THSD7A: variants seen among roughly 807,000 people sequenced by gnomAD.
THSD7A encodes the protein thrombospondin type 1 domain containing 7A, also known as thrombospondin type-1 domain-containing protein 7A.
A neutral mutation model predicts 231.3 loss-of-function variants in THSD7A; 96 were observed. That is an observed-to-expected ratio of 0.41 (90% CI 0.35 to 0.49). The LOEUF (loss-of-function observed/expected upper bound fraction) is 0.49, where lower values mean the gene tolerates loss of function less well. THSD7A is among the 20% of genes least tolerant of loss of function. THSD7A has a pLI of 0.05. For missense variants in THSD7A, 2,290 were observed against 2,070.2 expected, an observed-to-expected ratio of 1.11 and a Z score of -2.06; for synonymous variants, 940 against 743.3, an observed-to-expected ratio of 1.26 and a Z score of -4.30.
In THSD7A at chr7:11,636,617, G is replaced by T; in HGVS notation, c.535C>A (p.Pro179Thr). 1 of 1,613,974 alleles carries T rather than the reference G, an allele frequency of 6.2e-7. No individual in the cohort carries two copies. The highest frequency in any genetic ancestry group is 8.5e-7 in the Non-Finnish European group (1 of 1,179,896). Residue 179 changes from proline (P) to threonine (T), a missense_variant, in exon 2 of 28, where the codon CCC (proline) becomes ACC (threonine). By Grantham distance (38) the Pro-to-Thr change is conservative. Coordinates refer to ENST00000423059, the MANE Select transcript of THSD7A (RefSeq NM_015204.3). The surrounding 1 kb of genome is among the most constrained non-coding windows in gnomAD (Gnocchi z 10.0). ...CAAGCCTGCTCCAGGAGAGGCTTGGGCTCAAAGTACTCACAGATGATATCC... is the reference window on the plus strand; with the variant it reads ...CAAGCCTGCTCCAGGAGAGGCTTGGTCTCAAAGTACTCACAGATGATATCC... ...AEDIICEYFE[P>T]KPLLEQACLI...
At chr7:11,566,432 C>T (rs913178795) in intron 4 of THSD7A, among the ~76,000 whole-genome samples, 4 of 152,128 alleles carry the variant, frequency 2.6e-5, no homozygotes, top group Non-Finnish European at 4.4e-5. Context: ...ATTTTTAACA[C>T]GTACTTTATG....
intron 6 of THSD7A, among the ~76,000 whole-genome samples, chr7:11,510,433 C>A (rs1006735586): frequency 2.0e-5 from 3 of 152,180 alleles, no homozygotes; most frequent in Non-Finnish European, 2.9e-5. Context: ...ATGAGACCAG[C>A]ATCATCCTGA....
At chr7:11,546,724 A>T (rs42) in intron 4 of THSD7A, among the ~76,000 whole-genome samples, 117,215 of 152,062 alleles carry the variant, frequency 0.77, 45,912 homozygotes, top group African/African-American at 0.9. Context: ...CAGGCTGAAA[A>T]GGCTAAAATG....
At chr7:11,471,837 A>C (rs1785951859) in intron 8 of THSD7A, among the ~76,000 whole-genome samples, 1 of 152,120 alleles carries the variant, frequency 6.6e-6, no homozygotes, top group Non-Finnish European at 1.5e-5. Context: ...TAATTCAGTT[A>C]ATTCTTTTGG....
At chr7:11,688,304 G>A (rs1375457301) in intron 1 of THSD7A, among the ~76,000 whole-genome samples, 2 of 151,648 alleles carry the variant, frequency 1.3e-5, no homozygotes, top group African/African-American at 4.8e-5. Flanking sequence ...CAGTACTAAT[G>A]CCTGGGCGTC....
chr7:11,553,824 G>C (rs955121731), intron 4 of THSD7A, among the ~76,000 whole-genome samples: 1 of 151,810 alleles, frequency 6.6e-6, no homozygotes, highest in Non-Finnish European at 1.5e-5. Context: ...CTTGTGTTTT[G>C]AATGTTTAAG....
At chr7:11,686,277 A>T (rs185287820) in intron 1 of THSD7A, among the ~76,000 whole-genome samples, 2 of 151,528 alleles carry the variant, frequency 1.3e-5, no homozygotes, top group East Asian at 3.9e-4. Context: ...AGAATCCCAA[A>T]CCTCCTGCAC....
intron 2 of THSD7A, among the ~76,000 whole-genome samples, chr7:11,633,724 G>T (rs148077434): frequency 1.4e-4 from 22 of 152,184 alleles, no homozygotes; most frequent in African/African-American, 5.1e-4. Context: ...ATTGATTTTG[G>T]TCTATTGGAA....
intron 14 of THSD7A, among the ~76,000 whole-genome samples, chr7:11,427,457 A>G (rs1784358065): frequency 6.6e-6 from 1 of 152,142 alleles, no homozygotes; most frequent in Non-Finnish European, 1.5e-5. Flanking sequence ...AGAGTTGGAA[A>G]GTGACAAATG....
chr7:11,399,459 A>ATTAT (rs10654885), intron 23 of THSD7A, among the ~76,000 whole-genome samples: 67,765 of 151,500 alleles, frequency 0.45, 16,024 homozygotes, highest in African/African-American at 0.61. Flanking sequence ...GGTTTTGTTG[A>ATTAT]TTATTTTCTG....
intron 13 of THSD7A, among the ~76,000 whole-genome samples, chr7:11,432,861 T>C (rs1404725008): frequency 6.6e-6 from 1 of 151,992 alleles, no homozygotes; most frequent in Non-Finnish European, 1.5e-5. Flanking sequence ...GGATGGTATG[T>C]ATATTATATT....
intron 1 of THSD7A, among the ~76,000 whole-genome samples, chr7:11,759,893 T>G (rs564003472): frequency 6.6e-6 from 1 of 152,184 alleles, no homozygotes; most frequent in Admixed American, 6.6e-5. Flanking sequence ...CATAGAGAAG[T>G]TAGTGACCTA....
chr7:11,515,894 A>T (rs2128314602), intron 6 of THSD7A, among the ~76,000 whole-genome samples: 1 of 152,344 alleles, frequency 6.6e-6, no homozygotes, highest in African/African-American at 2.4e-5. Flanking sequence ...GTGACTTCAT[A>T]ACTGTGACTG....
chr7:11,631,856 G>A (rs1781667079), intron 2 of THSD7A, among the ~76,000 whole-genome samples: 1 of 152,132 alleles, frequency 6.6e-6, no homozygotes, highest in South Asian at 2.1e-4. Flanking sequence ...TGCAGGAGGA[G>A]GAGGCTCAAT....
chr7:11,380,121 ACTCTTCAG>A lies in THSD7A; in HGVS notation c.4508-417_4508-410del, dbSNP rs141774004. 6.0e-4 allele frequency among the ~76,000 whole-genome samples: 91 copies of A among 152,188 alleles called. 3 individuals carry two copies. The East Asian group carries it at 0.014, about 23-fold the overall frequency. ...AATAGTTTTCACGTACTTTGAAATAACTCTTCAGCTCTTTATGTTAAATAAATGTTTTC... is the reference window on the plus strand; with the variant it reads ...AATAGTTTTCACGTACTTTGAAATAACTCTTTATGTTAAATAAATGTTTTC... On this transcript the variant is annotated intron_variant, in intron 24 of 27. Transcript: ENST00000423059.
chr7:11,574,148 T>C (rs987379635), intron 4 of THSD7A, among the ~76,000 whole-genome samples: 4 of 152,206 alleles, frequency 2.6e-5, no homozygotes, highest in African/African-American at 7.2e-5. Flanking sequence ...CAAAACCTGG[T>C]GATCTAAATA....
intron 1 of THSD7A, among the ~76,000 whole-genome samples, chr7:11,652,423 C>A (rs1255607386): frequency 1.3e-5 from 2 of 151,912 alleles, no homozygotes; most frequent in Admixed American, 1.3e-4. Flanking sequence ...GTAAAGCCTG[C>A]CTTAATGCAA....
chr7:11,721,271 C>T (rs1781340957), intron 1 of THSD7A, among the ~76,000 whole-genome samples: 1 of 151,648 alleles, frequency 6.6e-6, no homozygotes, highest in African/African-American at 2.4e-5. Flanking sequence ...AATTGTAATC[C>T]CCAATGTTGG....
At chr7:11,436,522 G>C (rs1019925988) in intron 13 of THSD7A, among the ~76,000 whole-genome samples, 10 of 152,010 alleles carry the variant, frequency 6.6e-5, no homozygotes, top group African/African-American at 2.2e-4. Context: ...CTCTCTGAGA[G>C]AATGACTCAG....
Sources: allele counts gnomAD v4.1 joint callset (sites outside exome capture counted in the v4.1 genomes callset), GRCh38; gene constraint gnomAD v4.1.1; non-coding constraint Gnocchi (gnomAD v3.1); transcripts MANE v1.5; gene names NCBI Gene and HGNC (gene_info 2026-07-23, HGNC 2026-07-21).